ELOA: variants seen among roughly 807,000 people sequenced by gnomAD.
ELOA encodes elongin A, also known as elongin-A.
Under a neutral mutation model 85.2 loss-of-function variants are expected in ELOA, and 15 were observed. The observed-to-expected ratio is 0.18, with a 90% CI of 0.12 to 0.27. The LOEUF is 0.27. Ranked by LOEUF, ELOA falls within the 10% of genes least tolerant of loss-of-function variation. ELOA has a pLI of 1.00. For missense variants in ELOA, 769 were observed against 952.7 expected (o/e 0.81, Z 2.54); for synonymous variants, 348 against 357.2 (o/e 0.97, Z 0.29).
chr1:23,753,921 G>C (rs12093683), intron 5 of ELOA, among the ~76,000 whole-genome samples, 179 bp from the exon 6 acceptor site: 7,740 of 152,106 alleles, frequency 0.051, 611 homozygotes, highest in African/African-American at 0.17. Flanking sequence ...GATGATTCAT[G>C]TGCCTTGGCC....
At chr1:23,758,251 ATTTATTTATT>A (rs1289350887) in intron 10 of ELOA, among the ~76,000 whole-genome samples, 28 of 48,552 alleles carry the variant, frequency 5.8e-4, no homozygotes, top group East Asian at 4.4e-3. Flanking sequence ...CTTCCAATTT[ATTTATTTATT>A]TTTTTTTTTT....
chr1:23,743,642 C>T, intron 1 of ELOA, 64 bp downstream of exon 1: 1 of 1,392,508 alleles, frequency 7.2e-7, no homozygotes, highest in Non-Finnish European at 9.3e-7. Flanking sequence ...GTAACGGTCG[C>T]GGCCCGAGCG....
intron 9 of ELOA, 120 bp downstream of exon 9, chr1:23,756,505 C>A: frequency 1.2e-6 from 1 of 805,020 alleles, no homozygotes; most frequent in East Asian, 2.7e-5. Flanking sequence ...GCTCTGGAGG[C>A]AGACCTCATC....
At chr1:23,744,644 G>C (rs1644738798) in intron 1 of ELOA, among the ~76,000 whole-genome samples, 1 of 151,992 alleles carries the variant, frequency 6.6e-6, no homozygotes, top group South Asian at 2.1e-4. Context: ...GTAGAGACAG[G>C]GTTTCACCAT....
At chr1:23,757,787 T>C (rs1033091597) in intron 10 of ELOA, among the ~76,000 whole-genome samples, 54 of 147,966 alleles carry the variant, frequency 3.6e-4, no homozygotes, top group Admixed American at 2.8e-3. Flanking sequence ...CGTGAGCCAC[T>C]GTGCCCGGCC....
intron 4 of ELOA, 98 bp downstream of exon 4, chr1:23,752,128 G>A: frequency 1.6e-6 from 2 of 1,245,906 alleles, no homozygotes; most frequent in South Asian, 1.5e-5. Flanking sequence ...GCTTGCTTTT[G>A]GGGGGCATGT....
At chr1:23,750,170 C>CTTTT (rs747972246) in intron 3 of ELOA, among the ~76,000 whole-genome samples, 1,267 of 90,486 alleles carry the variant, frequency 0.014, 56 homozygotes, top group African/African-American at 0.015. Flanking sequence ...TGGTACGTTT[C>CTTTT]TTTTTTTTTT....
intron 9 of ELOA, 83 bp downstream of exon 9, chr1:23,756,468 G>A: frequency 8.0e-7 from 1 of 1,248,948 alleles, no homozygotes; most frequent in Non-Finnish European, 1.1e-6. Context: ...ATTGCTTTTG[G>A]TGAAAGTGAG....
chr1:23,755,903 G>C lies in ELOA; in HGVS notation c.1852G>C (p.Glu618Gln), dbSNP rs1346489606. ...TCATTGTCACCGAGACTTTAAGGAA[G>C]AAAGACCCGAAGAGTATGAGTCGTG... ...KVHCHRDFKE[E>Q]RPEEYESWRE... Residue 618 changes from glutamate to glutamine, a missense_variant, in exon 8 of 11, where the codon GAA (glutamate) becomes CAA (glutamine). Glu to Gln is a conservative substitution (Grantham distance 29, BLOSUM62 2). Coordinates refer to ENST00000613537, the MANE Select transcript of ELOA (RefSeq NM_003198.3). The C allele has an allele frequency of 1.2e-6, 2 of 1,613,696 alleles. No individual in the cohort carries two copies. Among genetic ancestry groups the C allele is most frequent in the Non-Finnish European group, 1.7e-6 (2 of 1,179,948 alleles).
chr1:23,749,378 G>A (rs1380432249), intron 2 of ELOA, among the ~76,000 whole-genome samples: 4 of 152,170 alleles, frequency 2.6e-5, no homozygotes, highest in African/African-American at 9.7e-5. Context: ...TGAATGTTCT[G>A]GAAACCACTG....
chr1:23,752,997 C>T (rs541339106), intron 5 of ELOA, among the ~76,000 whole-genome samples: 1 of 151,270 alleles, frequency 6.6e-6, no homozygotes, highest in African/African-American at 2.4e-5. Context: ...GCTGTCTCTA[C>T]AAGAGAAAAA....
At chr1:23,754,284 A>G (rs753137907) in intron 6 of ELOA, 29 bp downstream of exon 6, 249 of 1,613,846 alleles carry the variant, frequency 1.5e-4, no homozygotes, top group Non-Finnish European at 2.1e-4. Flanking sequence ...TCTAGCTCTC[A>G]AGCACATTGT....
intron 5 of ELOA, 107 bp downstream of exon 5, chr1:23,752,625 G>C: frequency 8.4e-7 from 1 of 1,185,652 alleles, no homozygotes; most frequent in Non-Finnish European, 1.2e-6. Flanking sequence ...GGGAGGCCGA[G>C]GTAAGAGGAT....
At chr1:23,743,664 G>T in intron 1 of ELOA, 86 bp downstream of exon 1, 1 of 1,357,118 alleles carries the variant, frequency 7.4e-7, no homozygotes, top group South Asian at 1.6e-5. Flanking sequence ...GGCGGGGTTC[G>T]GGGGCTGGGA....
In ELOA at chr1:23,749,188, A is replaced by C; in HGVS notation, c.132+111A>C. The stretch of plus-strand genomic sequence containing the variant: ...GGGCTTTGGAAGTGAAAGAAACCAG[A>C]CACAAAAGGCCATATATTGTCTGAT... On this transcript the variant is annotated intron_variant, in intron 2 of 10. Transcript: ENST00000613537. The C allele has an allele frequency of 5.5e-6, 5 of 901,548 alleles. No individual in the cohort carries two copies. The South Asian group carries it at 7.3e-5, about 13-fold the overall frequency. 55.8% of individuals were successfully genotyped at this position (901,548 alleles called of 1,614,324 possible).
intron 5 of ELOA, 82 bp downstream of exon 5, chr1:23,752,600 T>C (rs1644776365): frequency 1.4e-6 from 2 of 1,389,956 alleles, no homozygotes; most frequent in African/African-American, 1.4e-5. Flanking sequence ...CTCACACCTA[T>C]AATTCCAGCA....
Position 23,751,832 on chromosome 1 carries a change from C to T in ELOA, c.1227C>T (p.Ser409=), listed in dbSNP as rs575813254. Residue 409 remains serine, a synonymous_variant, in exon 4 of 11, where the codon TCC becomes TCT. Transcript: ENST00000613537. Reference sequence around the variant, plus strand: ...AGCAGCCAACCATGTCTTTTGAATCCTACCTCAGCTATGACCAGCCCCGGA... The same window carrying T: ...AGCAGCCAACCATGTCTTTTGAATCTTACCTCAGCTATGACCAGCCCCGGA... ...EFEQPTMSFE[S]YLSYDQPRKK... is the part of the protein sequence containing the mutation. The T allele has an allele frequency of 1.2e-6, 2 of 1,614,040 alleles. No individual in the cohort carries two copies. The highest frequency in any genetic ancestry group is 2.2e-5 in the South Asian group (2 of 91,064).
intron 10 of ELOA, among the ~76,000 whole-genome samples, chr1:23,758,263 T>TA (rs1557456718): frequency 3.2e-4 from 17 of 52,384 alleles, no homozygotes; most frequent in South Asian, 9.3e-4. Context: ...TTATTTATTT[T>TA]TTTTTTTTTT....
At chr1:23,746,330 G>A (rs898310262) in intron 1 of ELOA, among the ~76,000 whole-genome samples, 20 of 148,634 alleles carry the variant, frequency 1.3e-4, no homozygotes, top group East Asian at 4.0e-4. Flanking sequence ...ACAGTTGGCC[G>A]GGCGCAGTGG....
Sources: allele counts gnomAD v4.1 joint callset (sites outside exome capture counted in the v4.1 genomes callset), GRCh38; gene constraint gnomAD v4.1.1; transcripts MANE v1.5; gene names NCBI Gene and HGNC (gene_info 2026-07-23, HGNC 2026-07-21).